The following CREB5 variants were observed in gnomAD, a reference collection of about 807,000 sequenced individuals.
The protein encoded by CREB5 is cyclic AMP-responsive element-binding protein 5.
Under a neutral mutation model 57.1 loss-of-function variants are expected in CREB5, and 19 were observed. That is an observed-to-expected ratio of 0.33 (90% CI 0.23 to 0.49). The LOEUF is 0.49. CREB5 is among the 20% of genes least tolerant of loss of function. The pLI, the probability that CREB5 is intolerant of heterozygous loss-of-function variation, is 0.99. For synonymous variants in CREB5, 238 were observed against 238.3 expected (o/e 1.00, Z 0.01); for missense variants, 579 against 671.6 (o/e 0.86, Z 1.52).
chr7:28,352,120 A>G (rs1452824982), intron 1 of CREB5, among the ~76,000 whole-genome samples: 1 of 152,244 alleles, frequency 6.6e-6, no homozygotes, highest in Non-Finnish European at 1.5e-5. Context: ...TTGTTATAAT[A>G]AAACATTATT....
chr7:28,808,712 CTTTTTTTTTTTTTT>C (rs59374546), intron 8 of CREB5, among the ~76,000 whole-genome samples: 7 of 83,194 alleles, frequency 8.4e-5, no homozygotes, highest in African/African-American at 3.2e-4. Context: ...CCAATTTTTC[CTTTTTTTTTTTTTT>C]TTTTTTTTTT....
chr7:28,650,423 C>T (rs991729842), intron 5 of CREB5, among the ~76,000 whole-genome samples: 1 of 152,048 alleles, frequency 6.6e-6, no homozygotes, highest in Admixed American at 6.6e-5. Flanking sequence ...TTGGTCAAAT[C>T]AATTGTGTGG....
chr7:28,341,252 A>AT (rs528133774), intron 1 of CREB5, among the ~76,000 whole-genome samples: 2 of 151,938 alleles, frequency 1.3e-5, no homozygotes, highest in East Asian at 1.9e-4. Context: ...TATCATAAGC[A>AT]TTTTTTTCTA....
chr7:28,424,399 C>CT (rs367769273), intron 1 of CREB5, among the ~76,000 whole-genome samples: 7 of 152,268 alleles, frequency 4.6e-5, no homozygotes, highest in South Asian at 2.1e-4. Flanking sequence ...TCTAATCAGA[C>CT]TTTTTTTAGC....
At chr7:28,802,530 C>T (rs1808434679) in intron 7 of CREB5, among the ~76,000 whole-genome samples, 3 of 152,202 alleles carry the variant, frequency 2.0e-5, no homozygotes, top group Admixed American at 2.0e-4. Context: ...GATAAGAACA[C>T]AAATCTGGAA....
intron 5 of CREB5, among the ~76,000 whole-genome samples, chr7:28,590,650 G>T (rs79763876): frequency 6.7e-6 from 1 of 148,372 alleles, no homozygotes; most frequent in Non-Finnish European, 1.5e-5. Context: ...CACGTTGTGC[G>T]CATGTACCCT....
chr7:28,769,617 G>A (rs578119808), intron 7 of CREB5, among the ~76,000 whole-genome samples: 13 of 152,244 alleles, frequency 8.5e-5, no homozygotes, highest in Non-Finnish European at 1.0e-4. Flanking sequence ...TGTACCTTCC[G>A]GTGGATAGAA....
intron 1 of CREB5, among the ~76,000 whole-genome samples, chr7:28,358,263 G>A (rs7799974): frequency 0.23 from 34,454 of 152,196 alleles, 4,063 homozygotes; most frequent in South Asian, 0.31. Context: ...ATAAGGAGAA[G>A]AGCTGCTAAG....
chr7:28,794,428 G>T (rs1239474840), intron 7 of CREB5, among the ~76,000 whole-genome samples: 2 of 152,200 alleles, frequency 1.3e-5, no homozygotes, highest in Non-Finnish European at 2.9e-5. Flanking sequence ...CAGCAGGCAG[G>T]CTGGCAATCA....
At chr7:28,513,043 G>C (rs1160978391) in intron 4 of CREB5, among the ~76,000 whole-genome samples, 1 of 152,166 alleles carries the variant, frequency 6.6e-6, no homozygotes, top group Non-Finnish European at 1.5e-5. Flanking sequence ...CCTCAGCTCC[G>C]CAAAGCAGGC....
intron 5 of CREB5, among the ~76,000 whole-genome samples, chr7:28,638,053 T>A (rs160364): frequency 0.14 from 20,921 of 152,106 alleles, 1,824 homozygotes; most frequent in African/African-American, 0.24. Context: ...CTTTCCTGAG[T>A]GTAAATATTG....
chr7:28,800,417 G>T (rs944698152), intron 7 of CREB5, among the ~76,000 whole-genome samples: 2 of 152,186 alleles, frequency 1.3e-5, no homozygotes, highest in Admixed American at 6.5e-5. Flanking sequence ...GGGAAGGCAG[G>T]CCTACGCCCT....
intron 4 of CREB5, among the ~76,000 whole-genome samples, chr7:28,543,654 C>T (rs968161206): frequency 2.7e-5 from 4 of 149,588 alleles, no homozygotes; most frequent in Admixed American, 6.7e-5. Context: ...TGAGCCAGAT[C>T]TTATCAGAAT....
chr7:28,354,724 A>G (rs1395665028), intron 1 of CREB5, among the ~76,000 whole-genome samples: 1 of 152,174 alleles, frequency 6.6e-6, no homozygotes, highest in Non-Finnish European at 1.5e-5. Context: ...CCAGAGACTT[A>G]AGAACCCAGA....
chr7:28,815,776 G>A (rs1446821496), intron 9 of CREB5, among the ~76,000 whole-genome samples: 1 of 152,154 alleles, frequency 6.6e-6, no homozygotes, highest in Non-Finnish European at 1.5e-5. Flanking sequence ...CTCCAAGATG[G>A]CCACAGGCAG....
rs34135748 is a variant in CREB5 at position 28,444,028 on chromosome 7, T to A, written c.3+31111T>A. On this transcript the variant is annotated intron_variant, in intron 1 of 10. Transcript: ENST00000357727. Reference sequence around the variant, plus strand: ...AGATTAAACATAAAAAATTTTGTAATGGAAAACTTAGTTTTGTAAGATGGA... The same window carrying A: ...AGATTAAACATAAAAAATTTTGTAAAGGAAAACTTAGTTTTGTAAGATGGA... Among the ~76,000 whole-genome samples, 809 of 152,322 alleles carry A rather than the reference T, an allele frequency of 5.3e-3. 6 individuals carry two copies. The highest frequency in any genetic ancestry group is 0.015 in the Admixed American group (226 of 15,306).
In CREB5 at chr7:28,821,794, T is replaced by C. The variant is rs2128811176; in HGVS notation, c.*2515T>C. ...GAGTGCATTAAAATGTTTAGTTGGG[T>C]TTTTTAATTTTTAATTTTTATGTTA... On this transcript the variant is annotated 3_prime_UTR_variant, in exon 11 of 11. Transcript: ENST00000357727. 6.5e-6 allele frequency: 1 copy of C among 152,700 alleles called. No homozygotes were observed. The highest frequency in any genetic ancestry group is 1.5e-5 in the Non-Finnish European group (1 of 68,028). The allele number at this position is 152,700 out of a possible 1,614,324, so 9.5% of individuals were successfully genotyped here.
intron 1 of CREB5, among the ~76,000 whole-genome samples, chr7:28,461,807 A>G (rs1003086396): frequency 3.3e-5 from 5 of 152,156 alleles, no homozygotes; most frequent in Admixed American, 6.5e-5. Context: ...ATGTAAATCC[A>G]TTGTCATTTT....
intron 5 of CREB5, among the ~76,000 whole-genome samples, chr7:28,637,427 T>A (rs1319775584): frequency 1.3e-5 from 2 of 152,046 alleles, no homozygotes; most frequent in Non-Finnish European, 2.9e-5. Context: ...GAATGGCTGA[T>A]AAAAAACAAG....
Sources: gnomAD v4.1 joint callset for allele counts (sites outside exome capture counted in the v4.1 genomes callset) on GRCh38, gnomAD v4.1.1 for gene constraint, MANE v1.5 for transcripts, NCBI Gene and HGNC (gene_info 2026-07-23, HGNC 2026-07-21) for gene names.